Variants in SAMD5 observed in about 807,000 individuals in gnomAD.
SAMD5 encodes sterile alpha motif domain-containing protein 5.
A neutral mutation model predicts 11.3 loss-of-function variants in SAMD5; 13 were observed. The observed-to-expected ratio is 1.15, with a 90% CI of 0.75 to 1.83. SAMD5 has a LOEUF of 1.83. Ranked by LOEUF, SAMD5 falls within the 40% of genes most tolerant of loss-of-function variation. The pLI, the probability that SAMD5 is intolerant of heterozygous loss-of-function variation, is 0.00. For missense variants in SAMD5, 255 were observed against 239.1 expected (o/e 1.07, Z -0.44); for synonymous variants, 129 against 111.3 (o/e 1.16, Z -1.00).
chr6:147,619,054 G>A (rs2128449987), intron 1 of SAMD5, among the ~76,000 whole-genome samples: 1 of 152,292 alleles, frequency 6.6e-6, no homozygotes. Flanking sequence ...GCCTCCCAAA[G>A]CTGTGTGATC....
At chr6:147,715,856 G>C (rs1359358896) in intron 1 of SAMD5, among the ~76,000 whole-genome samples, 1 of 152,168 alleles carries the variant, frequency 6.6e-6, no homozygotes, top group African/African-American at 2.4e-5. Flanking sequence ...CCTCTCCACA[G>C]CTGGTCATCC....
chr6:147,521,032 A>G (rs940993647), intron 1 of SAMD5, among the ~76,000 whole-genome samples: 1 of 152,106 alleles, frequency 6.6e-6, no homozygotes, highest in African/African-American at 2.4e-5. Flanking sequence ...CCTCCTGAAA[A>G]ATGATTTTAA....
At chr6:147,712,186 A>G (rs529093006) in intron 1 of SAMD5, among the ~76,000 whole-genome samples, 10 of 152,328 alleles carry the variant, frequency 6.6e-5, no homozygotes, top group Non-Finnish European at 1.0e-4. Flanking sequence ...TTGATTCTGC[A>G]TGTAAAGTTT....
chr6:147,903,421 C>CA, the SAMD5 span, among the ~76,000 whole-genome samples: 3 of 152,080 alleles, frequency 2.0e-5, no homozygotes, highest in African/African-American at 2.4e-5. Context: ...TAAGGAAATG[C>CA]ATGTTTTTGC....
intron 1 of SAMD5, among the ~76,000 whole-genome samples, chr6:147,515,176 G>GTTTTTTTTTTTTTTTTT (rs71031029): frequency 2.7e-5 from 2 of 75,036 alleles, no homozygotes; most frequent in Admixed American, 3.8e-4. Context: ...ATCCTTCCAG[G>GTTTTTTTTTTTTTTTTT]TTTTTTTTTT....
chr6:147,801,549 A>C, the SAMD5 span, among the ~76,000 whole-genome samples: 1 of 152,192 alleles, frequency 6.6e-6, no homozygotes, highest in African/African-American at 2.4e-5. Context: ...CTTTGGGAGG[A>C]CAAGACAGTG....
intron 1 of SAMD5, among the ~76,000 whole-genome samples, chr6:147,597,896 A>T (rs956225875): frequency 6.6e-6 from 1 of 152,036 alleles, no homozygotes; most frequent in African/African-American, 2.4e-5. Flanking sequence ...TCACCTAGAT[A>T]CTGCCCAGAT....
chr6:147,860,435 A>G, the SAMD5 span, among the ~76,000 whole-genome samples: 1 of 152,188 alleles, frequency 6.6e-6, no homozygotes, highest in East Asian at 1.9e-4. Context: ...CATAACAACT[A>G]ATATCTTAGT....
chr6:147,595,921 C>G (rs573009033), intron 1 of SAMD5, among the ~76,000 whole-genome samples: 1 of 152,222 alleles, frequency 6.6e-6, no homozygotes, highest in East Asian at 1.9e-4. Flanking sequence ...GCCCTATATA[C>G]AGCTCCGTAT....
the SAMD5 span, among the ~76,000 whole-genome samples, chr6:147,913,922 A>G: frequency 6.6e-6 from 1 of 152,212 alleles, no homozygotes; most frequent in Non-Finnish European, 1.5e-5. Context: ...AAAGACACCC[A>G]TGAGCAGTGA....
the SAMD5 span, among the ~76,000 whole-genome samples, chr6:147,746,716 G>T: frequency 6.6e-6 from 1 of 152,172 alleles, no homozygotes; most frequent in East Asian, 1.9e-4. Context: ...AACCAAAAGT[G>T]GGCAGAGGTG....
chr6:147,937,752 A>G, the SAMD5 span, among the ~76,000 whole-genome samples: 2 of 152,228 alleles, frequency 1.3e-5, no homozygotes, highest in African/African-American at 4.8e-5. Context: ...TCAGATATGT[A>G]TATAAGAATT....
intron 1 of SAMD5, among the ~76,000 whole-genome samples, chr6:147,725,531 G>A (rs1438360590): frequency 6.6e-6 from 1 of 152,054 alleles, no homozygotes; most frequent in Non-Finnish European, 1.5e-5. Flanking sequence ...TGGGATTACA[G>A]GTGCCCACCA....
chr6:147,516,888 C>T (rs35658484), intron 1 of SAMD5, among the ~76,000 whole-genome samples: 8,498 of 152,150 alleles, frequency 0.056, 306 homozygotes, highest in Admixed American at 0.088. Flanking sequence ...TGTAGCATAC[C>T]CAAATGAAGA....
the SAMD5 span, among the ~76,000 whole-genome samples, chr6:147,788,563 T>C: frequency 6.6e-6 from 1 of 152,220 alleles, no homozygotes; most frequent in African/African-American, 2.4e-5. Context: ...GATGCTTTTG[T>C]GGATAAAAGT....
At chr6:147,849,498 C>T in the SAMD5 span, among the ~76,000 whole-genome samples, 6 of 151,888 alleles carry the variant, frequency 4.0e-5, no homozygotes, top group East Asian at 3.9e-4. Context: ...TTAAGAGTAA[C>T]GCTCAAGGTC....
the SAMD5 span, among the ~76,000 whole-genome samples, chr6:147,895,306 A>G: frequency 6.6e-6 from 1 of 152,190 alleles, no homozygotes; most frequent in African/African-American, 2.4e-5. Flanking sequence ...ACAGTGCTCC[A>G]AAAATGAGTT....
chr6:147,810,384 A>G, the SAMD5 span, among the ~76,000 whole-genome samples: 1 of 152,170 alleles, frequency 6.6e-6, no homozygotes, highest in Non-Finnish European at 1.5e-5. Flanking sequence ...TTTTAGTTCC[A>G]ACTGGCCCTC....
At chr6:147,534,579 G>C (rs1218687149) in intron 1 of SAMD5, among the ~76,000 whole-genome samples, 1 of 152,122 alleles carries the variant, frequency 6.6e-6, no homozygotes, top group South Asian at 2.1e-4. Flanking sequence ...AGGATAACTT[G>C]GTGGGAGGGG....
Sources: allele counts gnomAD v4.1 joint callset (sites outside exome capture counted in the v4.1 genomes callset), GRCh38; gene constraint gnomAD v4.1.1; transcripts MANE v1.5; gene names NCBI Gene and HGNC (gene_info 2026-07-23, HGNC 2026-07-21).